Variants in CFAP99 observed in about 807,000 individuals in gnomAD.
The protein encoded by CFAP99 is cilia- and flagella-associated protein 99.
Under a neutral mutation model 82.7 loss-of-function variants are expected in CFAP99, and 84 were observed. The observed-to-expected ratio is 1.02, with a 90% CI of 0.85 to 1.22. The LOEUF is 1.22. Among genes scored for constraint, CFAP99 ranks in the 50% most tolerant of loss-of-function variants. The pLI is 0.00. For missense variants in CFAP99, 1,059 were observed against 983.5 expected (o/e 1.08, Z -1.03); for synonymous variants, 456 against 429.5 (o/e 1.06, Z -0.76).
intron 1 of CFAP99, among the ~76,000 whole-genome samples, 168 bp from the exon 2 acceptor site, chr4:2,426,291 G>A (rs771389648): frequency 4.7e-5 from 7 of 149,306 alleles, no homozygotes; most frequent in Non-Finnish European, 5.9e-5. Flanking sequence ...ACTCACATCC[G>A]GCCCTCCCCA....
rs1472027553 is a variant in CFAP99, at chr4:2,462,186, A to G, written c.1662-257A>G. ...AAACAAACAAACAACAACAACAAAA[A>G]TTAAAGAAAAGAAAAAAAGAGCAAA... On this transcript the variant is annotated intron_variant, in intron 14 of 14. Coordinates refer to ENST00000635017, the Ensembl canonical transcript of CFAP99. This position sits in a 1 kb window ranked among gnomAD's most constrained non-coding sequence, Gnocchi z 4.1. The G allele has an allele frequency of 2.2e-5, 8 of 360,496 alleles. No homozygotes were observed. Among genetic ancestry groups the G allele is most frequent in the Admixed American group, 4.8e-5 (1 of 20,646 alleles). The allele number at this position is 360,496 out of a possible 1,614,324, so 22.3% of individuals were successfully genotyped here.
At chr4:2,454,595 T>TTTTTTCTTTTTTTTTTTTTC (rs1734384844) in intron 11 of CFAP99, among the ~76,000 whole-genome samples, 1 of 107,950 alleles carries the variant, frequency 9.3e-6, no homozygotes, top group South Asian at 2.7e-4. Flanking sequence ...TTTTTTTTTG[T>TTTTTTCTTTTTTTTTTTTTC]TTTTTTTTTT....
Position 2,452,347 on chromosome 4 carries a change from G to A in CFAP99, c.1161+1G>A. 3 of 1,534,012 alleles carry A rather than the reference G, an allele frequency of 2.0e-6. No individual in the cohort carries two copies. Among genetic ancestry groups the A allele is most frequent in the African/African-American group, 2.7e-5 (2 of 73,064 alleles). ...GAGGGTGGAGCAGCAGAAGGAGCAG[G>A]TGGGTGCCATGCAGGGCAGCTGGGC... is the stretch of plus-strand genomic sequence containing the variant. On this transcript the variant is annotated splice_donor_variant, in intron 11 of 14. Transcript: ENST00000635017. LOFTEE classifies it high-confidence loss of function.
chr4:2,456,846 C>T lies in CFAP99; in HGVS notation c.1162-1877C>T, dbSNP rs560272301. Among the ~76,000 whole-genome samples, 446 of 152,014 alleles carry T rather than the reference C, an allele frequency of 2.9e-3. 1 individual carries two copies. The highest frequency in any genetic ancestry group is 0.01 in the African/African-American group (417 of 41,440). On this transcript the variant is annotated intron_variant, in intron 11 of 14. Coordinates refer to ENST00000635017, the Ensembl canonical transcript of CFAP99. ...TAACTTGTTTTTTAATCTGTTATCA[C>T]TGTGAAATTAACCCAGAATAGCTGT...
chr4:2,445,044 C>T (rs753259632), intron 5 of CFAP99, 87 bp from the exon 6 acceptor site: 30 of 1,020,966 alleles, frequency 2.9e-5, no homozygotes, highest in East Asian at 6.5e-5. Flanking sequence ...CCAATCGCTG[C>T]GGGAGCCCTC....
rs563760751 is a variant in CFAP99, at chr4:2,458,777, A to G, written c.1216A>G (p.Arg406Gly). 2.7e-5 allele frequency: 42 copies of G among 1,535,906 alleles called. No individual in the cohort carries two copies. In the East Asian group the frequency reaches 8.8e-4, roughly 32 times the overall value. Residue 406 changes from arginine (R) to glycine (G), a missense_variant, in exon 12 of 15, where the codon AGG (arginine) becomes GGG (glycine). Physicochemically the swap from Arg to Gly is moderately radical, Grantham distance 125 (BLOSUM62 -2). Coordinates refer to ENST00000635017, the Ensembl canonical transcript of CFAP99. ...GAGACGGCTCCGGGAGGACAGGTCC[A>G]GGAAGGAGCTGGTGGAGCAGGTGAT...
chr4:2,441,371 T>TTA (rs1734034368), intron 4 of CFAP99, among the ~76,000 whole-genome samples: 1 of 59,204 alleles, frequency 1.7e-5, no homozygotes, highest in Non-Finnish European at 2.7e-5. Flanking sequence ...AGACTCCATC[T>TTA]CAAAAAAAAA....
At chr4:2,423,420 A>C (rs1275307303) in intron 1 of CFAP99, among the ~76,000 whole-genome samples, 1 of 152,236 alleles carries the variant, frequency 6.6e-6, no homozygotes, top group Non-Finnish European at 1.5e-5. Context: ...TGGCAGGCTC[A>C]GGGGAGGGTG....
intron 1 of CFAP99, 85 bp from the exon 2 acceptor site, chr4:2,426,374 C>A: frequency 2.4e-6 from 2 of 840,940 alleles, no homozygotes; most frequent in Non-Finnish European, 3.8e-6. Flanking sequence ...GGCCCAACAC[C>A]CTGGCAGACT....
At position 2,450,935 on chromosome 4, in the gene CFAP99, T is replaced by A; in HGVS notation, c.796-12T>A. 1 of 1,535,876 alleles carries A rather than the reference T, an allele frequency of 6.5e-7. No individual in the cohort carries two copies. Among genetic ancestry groups the A allele is most frequent in the Non-Finnish European group, 8.7e-7 (1 of 1,146,744 alleles). ...AGGTGCCAGGCGGCCAGCTCTGCCC[T>A]GACTCCTGCAGGGCTCCAAGCAGCA... is the stretch of plus-strand genomic sequence containing the variant. On this transcript the variant is annotated splice_polypyrimidine_tract_variant and intron_variant, in intron 8 of 14. Transcript: ENST00000635017.
At position 2,440,886 on chromosome 4, in the gene CFAP99, G is replaced by A. The variant is rs1044990481; in HGVS notation, c.352-2244G>A. On this transcript the variant is annotated intron_variant, in intron 4 of 14. Coordinates refer to ENST00000635017, the Ensembl canonical transcript of CFAP99. ...TGGGATTACAGGCGTCAGCCACCGC[G>A]CCCGGCCAAAATTTTTTTTAAATTA... Among the ~76,000 whole-genome samples, 10 of 151,984 alleles carry A rather than the reference G, an allele frequency of 6.6e-5. No individual in the cohort carries two copies. In the East Asian group the frequency reaches 1.4e-3, roughly 21 times the overall value.
In CFAP99 at chr4:2,462,117, A is replaced by G. The variant is rs539945881; in HGVS notation, c.1662-326A>G. 1.0e-3 allele frequency: 197 copies of G among 197,284 alleles called. 1 individual carries two copies. The highest frequency in any genetic ancestry group is 4.5e-3 in the African/African-American group (192 of 43,116). The allele number at this position is 197,284 out of a possible 1,614,324, so 12.2% of individuals were successfully genotyped here. A position where few individuals can be genotyped will look rare whatever the true frequency, so the allele number is the denominator to read the frequency against. On this transcript the variant is annotated intron_variant, in intron 14 of 14. Coordinates refer to ENST00000635017, the Ensembl canonical transcript of CFAP99. This position sits in a 1 kb window ranked among gnomAD's most constrained non-coding sequence, Gnocchi z 4.1. ...GGCTGCAGTGAGCCATGATCGCGCC[A>G]CTGCACTCCAGCCTGGGCGACAGAG...
At chr4:2,425,369 G>A (rs1050271928) in intron 1 of CFAP99, among the ~76,000 whole-genome samples, 3 of 152,166 alleles carry the variant, frequency 2.0e-5, no homozygotes, top group African/African-American at 4.8e-5. Context: ...CCTTCAGCAC[G>A]GCCAGGATCG....
At chr4:2,460,370 G>T (rs771192251) in intron 14 of CFAP99, 128 bp downstream of exon 14, 1 of 795,642 alleles carries the variant, frequency 1.3e-6, no homozygotes, top group Non-Finnish European at 2.0e-6. Flanking sequence ...TTCCCTTGCC[G>T]TAACTCCCCT....
intron 4 of CFAP99, among the ~76,000 whole-genome samples, chr4:2,438,795 A>C (rs1733975609): frequency 6.6e-6 from 1 of 152,002 alleles, no homozygotes; most frequent in Non-Finnish European, 1.5e-5. Flanking sequence ...CAACAACAAC[A>C]ACAAAAAACC....
chr4:2,426,566 G>A, exon 2 of CFAP99: 1 of 1,535,860 alleles, frequency 6.5e-7, no homozygotes, highest in East Asian at 2.4e-5. Flanking sequence ...GTTCCTGGAG[G>A]CTGCGGCCAC....
At chr4:2,435,699 G>T (rs1733892052) in intron 2 of CFAP99, among the ~76,000 whole-genome samples, 1 of 152,194 alleles carries the variant, frequency 6.6e-6, no homozygotes, top group African/African-American at 2.4e-5. Flanking sequence ...CAAGGCAGGA[G>T]GATTGCTTGA....
chr4:2,429,647 A>C (rs1036228521), intron 2 of CFAP99, among the ~76,000 whole-genome samples: 2 of 149,474 alleles, frequency 1.3e-5, no homozygotes, highest in Non-Finnish European at 1.5e-5. Context: ...GCTGGAGTGC[A>C]GTGGCGCCAT....
At chr4:2,424,773 C>G (rs571062656) in intron 1 of CFAP99, among the ~76,000 whole-genome samples, 1 of 152,220 alleles carries the variant, frequency 6.6e-6, no homozygotes, top group Non-Finnish European at 1.5e-5. Context: ...CACCCCCAGC[C>G]GAGACTCCTC....
Sources: allele counts gnomAD v4.1 joint callset (sites outside exome capture counted in the v4.1 genomes callset), GRCh38; gene constraint gnomAD v4.1.1; non-coding constraint Gnocchi (gnomAD v3.1); transcripts MANE v1.5; gene names NCBI Gene and HGNC (gene_info 2026-07-23, HGNC 2026-07-21).